KANK1: variants seen among roughly 807,000 people sequenced by gnomAD.
KANK1 encodes the protein KN motif and ankyrin repeat domains 1.
A neutral mutation model predicts 106.2 loss-of-function variants in KANK1; 109 were observed. The observed-to-expected ratio is 1.03, with a 90% confidence interval of 0.88 to 1.20. The LOEUF is 1.20. KANK1 is among the 50% of genes most tolerant of loss of function. The probability of loss-of-function intolerance (pLI) is 0.00; values close to 1 mark genes in which losing one functional copy is unlikely to be tolerated. For synonymous variants in KANK1, 873 were observed against 652.2 expected (o/e 1.34, Z -5.16); for missense variants, 2,399 against 1,710.7 (o/e 1.40, Z -7.10).
At chr9:518,034 G>A (rs1226050352) in intron 1 of KANK1, among the ~76,000 whole-genome samples, 4 of 151,542 alleles carry the variant, frequency 2.6e-5, no homozygotes, top group African/African-American at 7.3e-5. Flanking sequence ...CACCTTGCCC[G>A]GCCAACCTTG....
chr9:706,731 T>G (rs1824301038), intron 2 of KANK1: 4 of 963,220 alleles, frequency 4.2e-6, no homozygotes, highest in African/African-American at 1.8e-5. Context: ...AGCCCAGGGC[T>G]GAGAAGAGTC....
At chr9:684,405 GAAAA>G in intron 2 of KANK1, 1 of 985,214 alleles carries the variant, frequency 1.0e-6, no homozygotes, top group Non-Finnish European at 1.2e-6. Context: ...AAGAAAGAAA[GAAAA>G]AAACACATAC....
At chr9:496,399 C>A (rs1487008758) in intron 3 of KANK1, among the ~76,000 whole-genome samples, 1 of 151,998 alleles carries the variant, frequency 6.6e-6, no homozygotes, top group African/African-American at 2.4e-5. Flanking sequence ...ACTAAAAATA[C>A]AAAAATTAGC....
chr9:716,552 T>C (rs1453681150), intron 3 of KANK1, among the ~76,000 whole-genome samples: 1 of 152,170 alleles, frequency 6.6e-6, no homozygotes, highest in Admixed American at 6.5e-5. Context: ...AATTGATAAA[T>C]GTTCAGTCCA....
At chr9:556,109 G>A (rs2061569247) in intron 1 of KANK1, among the ~76,000 whole-genome samples, 1 of 152,068 alleles carries the variant, frequency 6.6e-6, no homozygotes, top group African/African-American at 2.4e-5. Flanking sequence ...ACCTTGGGGG[G>A]AAAATACCCA....
chr9:496,325 G>A lies in KANK1; in HGVS notation c.-362+23052G>A, dbSNP rs1053388247. On this transcript the variant is annotated intron_variant, in intron 3 of 15. Coordinates refer to the KANK1 transcript ENST00000382303. ...TCCCAGTACTCTAGGAGGCCGAGGCGAGCGGATCACTTGAGGCCAGGAGTT... is the reference window on the plus strand; with the variant it reads ...TCCCAGTACTCTAGGAGGCCGAGGCAAGCGGATCACTTGAGGCCAGGAGTT... Among the ~76,000 whole-genome samples, 17 of 152,292 alleles carry A rather than the reference G, an allele frequency of 1.1e-4. 1 individual carries two copies. Among genetic ancestry groups the A allele is most frequent in the Admixed American group, 3.3e-4 (5 of 15,304 alleles).
chr9:651,906 G>A (rs1840961772), intron 1 of KANK1, among the ~76,000 whole-genome samples: 1 of 152,130 alleles, frequency 6.6e-6, no homozygotes, highest in South Asian at 2.1e-4. Flanking sequence ...AAAAACTAAA[G>A]TTGCTATATT....
chr9:574,700 C>G (rs1820087689), intron 1 of KANK1, among the ~76,000 whole-genome samples: 1 of 151,546 alleles, frequency 6.6e-6, no homozygotes, highest in African/African-American at 2.4e-5. Context: ...ACTAAAAATA[C>G]AAAAATTAGC....
chr9:576,756 C>A (rs774048107), intron 1 of KANK1, among the ~76,000 whole-genome samples: 51 of 150,474 alleles, frequency 3.4e-4, no homozygotes, highest in Non-Finnish European at 6.7e-4. Context: ...AGAGGAGGGA[C>A]CTTGTTTTTT....
At position 611,841 on chromosome 9, in the gene KANK1, C is replaced by T. The variant is rs569608934; in HGVS notation, c.-83-65049C>T. 1.8e-4 allele frequency among the ~76,000 whole-genome samples: 27 copies of T among 152,288 alleles called. No individual in the cohort carries two copies. In the East Asian group the frequency reaches 2.5e-3, roughly 14 times the overall value. ...TCAACCGATTTTCCTGCCTCAGCCT[C>T]CTGAGTAGCTGGGATTACAGGCGCA... is the stretch of plus-strand genomic sequence containing the variant. On this transcript the variant is annotated intron_variant, in intron 1 of 11. Coordinates refer to ENST00000382297, the MANE Select transcript of KANK1 (RefSeq NM_015158.5).
intron 1 of KANK1, among the ~76,000 whole-genome samples, chr9:594,452 T>A (rs1246101365): frequency 6.6e-6 from 1 of 151,874 alleles, no homozygotes; most frequent in African/African-American, 2.4e-5. Flanking sequence ...ATTAAAAATG[T>A]AGGAGTTATG....
chr9:514,851 C>T (rs921319120), intron 1 of KANK1, among the ~76,000 whole-genome samples: 2 of 151,498 alleles, frequency 1.3e-5, no homozygotes, highest in African/African-American at 2.4e-5. Flanking sequence ...GAGTAGGTAC[C>T]GTCAGAGTGG....
intron 1 of KANK1, among the ~76,000 whole-genome samples, chr9:631,905 T>G (rs1328373409): frequency 6.6e-6 from 1 of 152,200 alleles, no homozygotes. Flanking sequence ...GTTTGGGTTA[T>G]CTACCGCTGT....
At chr9:561,132 T>C (rs1225763620) in intron 1 of KANK1, among the ~76,000 whole-genome samples, 2 of 152,138 alleles carry the variant, frequency 1.3e-5, no homozygotes, top group Non-Finnish European at 2.9e-5. Context: ...CTACCAGGAA[T>C]AGTTGAAAGG....
intron 1 of KANK1, among the ~76,000 whole-genome samples, chr9:639,004 C>G (rs1837770042): frequency 6.6e-6 from 1 of 152,152 alleles, no homozygotes; most frequent in African/African-American, 2.4e-5. Context: ...GATCTAGAAG[C>G]TTCATAAAAT....
chr9:537,969 A>G (rs940085128), intron 1 of KANK1, among the ~76,000 whole-genome samples: 4 of 152,264 alleles, frequency 2.6e-5, no homozygotes, highest in Admixed American at 1.3e-4. Flanking sequence ...CAACACAACA[A>G]GTTGCCCTGA....
intron 1 of KANK1, among the ~76,000 whole-genome samples, chr9:660,751 C>G (rs1000602076): frequency 1.3e-5 from 2 of 152,158 alleles, no homozygotes; most frequent in African/African-American, 2.4e-5. Flanking sequence ...GCAACAGCAA[C>G]TCTACCACTG....
intron 1 of KANK1, among the ~76,000 whole-genome samples, chr9:591,749 C>G (rs1338057536): frequency 6.6e-6 from 1 of 151,770 alleles, no homozygotes; most frequent in African/African-American, 2.4e-5. Flanking sequence ...ACCTCTGCCT[C>G]CTGGGTTCAA....
At chr9:689,091 C>G (rs772051717) in intron 2 of KANK1, among the ~76,000 whole-genome samples, 29 of 152,142 alleles carry the variant, frequency 1.9e-4, no homozygotes, top group Non-Finnish European at 3.7e-4. Flanking sequence ...CCCCCCAATT[C>G]ATTTGGTATT....
Sources: allele counts gnomAD v4.1 joint callset (sites outside exome capture counted in the v4.1 genomes callset), GRCh38; gene constraint gnomAD v4.1.1; transcripts MANE v1.5; gene names NCBI Gene and HGNC (gene_info 2026-07-23, HGNC 2026-07-21).